The following ANO4 variants were observed in gnomAD, a reference collection of about 807,000 sequenced individuals.
The protein encoded by ANO4 is anoctamin-4.
ANO4 carries 69 observed loss-of-function variants against 141.9 expected under a neutral mutation model. The observed-to-expected ratio is 0.49, with a 90% CI of 0.40 to 0.59. ANO4 has a LOEUF of 0.59. Among genes scored for constraint, ANO4 ranks in the 20% least tolerant of loss-of-function variants. The probability of loss-of-function intolerance (pLI) is 0.00; values close to 1 mark genes in which losing one functional copy is unlikely to be tolerated. For synonymous variants in ANO4, 350 were observed against 394.3 expected, an observed-to-expected ratio of 0.89 and a Z score of 1.33; for missense variants, 894 against 1,162.2, an observed-to-expected ratio of 0.77 and a Z score of 3.36.
At chr12:100,780,320 T>C (rs1379120494) in intron 3 of ANO4, among the ~76,000 whole-genome samples, 1 of 152,182 alleles carries the variant, frequency 6.6e-6, no homozygotes, top group East Asian at 1.9e-4. Context: ...GCAAGTTTAT[T>C]AGAGCAACGG....
chr12:101,111,443 A>C, intron 23 of ANO4, 120 bp from the exon 24 acceptor site: 2 of 913,886 alleles, frequency 2.2e-6, no homozygotes, highest in Non-Finnish European at 3.1e-6. Context: ...TGCAACTGTC[A>C]GTATTTGGAA....
At chr12:101,003,293 A>G (rs556495383) in intron 8 of ANO4, among the ~76,000 whole-genome samples, 2 of 152,370 alleles carry the variant, frequency 1.3e-5, no homozygotes, top group South Asian at 2.1e-4. Context: ...GGACTGAAGA[A>G]GCAGTCTGTA....
Position 100,991,285 on chromosome 12 carries a change from T to C in ANO4, c.734+3615T>C, listed in dbSNP as rs546156541. ...CAATCAGAAAAGAATTCCCTAAGGATGTTTTGAGAGTGACATTAATGGATT... is the reference window on the plus strand; with the variant it reads ...CAATCAGAAAAGAATTCCCTAAGGACGTTTTGAGAGTGACATTAATGGATT... On this transcript the variant is annotated intron_variant, in intron 8 of 27. Transcript: ENST00000392977. Among the ~76,000 whole-genome samples the C allele has an allele frequency of 1.6e-4, 25 of 152,176 alleles. 1 individual carries two copies. Among genetic ancestry groups the C allele is most frequent in the African/African-American group, 6.0e-4 (25 of 41,538 alleles).
At chr12:100,880,526 C>G (rs960161653) in intron 1 of ANO4, among the ~76,000 whole-genome samples, 1 of 152,140 alleles carries the variant, frequency 6.6e-6, no homozygotes, top group Admixed American at 6.6e-5. Flanking sequence ...TATTACAACG[C>G]AGAAAATATA....
intron 13 of ANO4, among the ~76,000 whole-genome samples, chr12:101,045,768 C>T (rs558332828): frequency 1.5e-4 from 23 of 152,276 alleles, no homozygotes; most frequent in Admixed American, 4.6e-4. Context: ...CCAGGGACCC[C>T]GGTGGCCCTG....
chr12:100,951,688 G>A (rs2136207280), intron 5 of ANO4, among the ~76,000 whole-genome samples: 1 of 152,266 alleles, frequency 6.6e-6, no homozygotes, highest in Non-Finnish European at 1.5e-5. Flanking sequence ...TTGTCTTACT[G>A]GTTTTTGCAT....
chr12:100,852,856 AG>A (rs1268446000), intron 1 of ANO4, among the ~76,000 whole-genome samples: 1 of 152,248 alleles, frequency 6.6e-6, no homozygotes, highest in Non-Finnish European at 1.5e-5. Flanking sequence ...TAAAACTGTC[AG>A]TTACCACTTT....
At chr12:100,862,545 C>T (rs992012625) in intron 1 of ANO4, among the ~76,000 whole-genome samples, 1 of 152,164 alleles carries the variant, frequency 6.6e-6, no homozygotes, top group Non-Finnish European at 1.5e-5. Flanking sequence ...TGGTCTCAAA[C>T]TCCTGACCTC....
At chr12:101,027,917 C>T (rs2046810131) in intron 9 of ANO4, among the ~76,000 whole-genome samples, 1 of 152,114 alleles carries the variant, frequency 6.6e-6, no homozygotes, top group Non-Finnish European at 1.5e-5. Context: ...AGGAGTGATC[C>T]TACTGGCATC....
chr12:100,952,884 T>C (rs780646603), intron 5 of ANO4, among the ~76,000 whole-genome samples: 6 of 152,236 alleles, frequency 3.9e-5, no homozygotes, highest in Non-Finnish European at 5.9e-5. Context: ...TACAAAGTTA[T>C]CTTGATTTAT....
chr12:100,838,729 A>G (rs1258356501), intron 1 of ANO4, among the ~76,000 whole-genome samples: 1 of 152,200 alleles, frequency 6.6e-6, no homozygotes, highest in African/African-American at 2.4e-5. Flanking sequence ...AGCCATGGGA[A>G]AAATGGGGCA....
rs145992630 is a variant in ANO4, at chr12:100,804,668, A to G, written c.-141+9641A>G. Among the ~76,000 whole-genome samples the G allele has an allele frequency of 6.0e-3, 914 of 152,188 alleles. 7 individuals carry two copies. The highest frequency in any genetic ancestry group is 0.021 in the African/African-American group (857 of 41,518). ...TCTGACTGGCGTGAGATGGTATTTCATTGTGGTTTTGATTTGCATTTATCT... is the reference window on the plus strand; with the variant it reads ...TCTGACTGGCGTGAGATGGTATTTCGTTGTGGTTTTGATTTGCATTTATCT... On this transcript the variant is annotated intron_variant, in intron 1 of 27. Coordinates refer to ENST00000392977, the MANE Select transcript of ANO4 (RefSeq NM_001286615.2).
intron 3 of ANO4, among the ~76,000 whole-genome samples, chr12:100,766,234 T>G (rs2033075072): frequency 6.6e-6 from 1 of 152,184 alleles, no homozygotes; most frequent in Non-Finnish European, 1.5e-5. Flanking sequence ...TATTCTGTTG[T>G]CTGTGCTCTT....
chr12:101,126,643 T>G (rs2051326887), intron 26 of ANO4, among the ~76,000 whole-genome samples: 1 of 152,212 alleles, frequency 6.6e-6, no homozygotes, highest in Non-Finnish European at 1.5e-5. Flanking sequence ...TTTGAATTAA[T>G]TATCTGACCA....
chr12:101,000,327 G>C (rs1304130074), intron 8 of ANO4, among the ~76,000 whole-genome samples: 1 of 152,196 alleles, frequency 6.6e-6, no homozygotes, highest in Non-Finnish European at 1.5e-5. Context: ...AACATTTTAT[G>C]TGTCAGTAAC....
chr12:100,870,390 G>A lies in ANO4; in HGVS notation c.-140-31256G>A, dbSNP rs2038972680. Among the ~76,000 whole-genome samples, 5 of 152,148 alleles carry A rather than the reference G, an allele frequency of 3.3e-5. No homozygotes were observed. The South Asian group carries it at 8.3e-4, about 25-fold the overall frequency. ...CATATTCTACAGCTGATGGAATTCA[G>A]TTAAGCAGCATTGGTTGTCTATTCA... is the stretch of plus-strand genomic sequence containing the variant. On this transcript the variant is annotated intron_variant, in intron 1 of 27. Transcript: ENST00000392977.
At chr12:101,093,787 T>C (rs967820082) in intron 17 of ANO4, among the ~76,000 whole-genome samples, 6 of 152,098 alleles carry the variant, frequency 3.9e-5, no homozygotes, top group Admixed American at 6.6e-5. Context: ...GAATTTCCAG[T>C]AATGTTTAAT....
chr12:100,960,044 G>A (rs149705793), intron 5 of ANO4, among the ~76,000 whole-genome samples: 30 of 152,134 alleles, frequency 2.0e-4, no homozygotes, highest in African/African-American at 6.5e-4. Flanking sequence ...CTGGGGCAGG[G>A]AAACACAAAT....
At chr12:101,103,195 A>C (rs1353354900) in intron 22 of ANO4, among the ~76,000 whole-genome samples, 17 of 40,744 alleles carry the variant, frequency 4.2e-4, no homozygotes, top group South Asian at 1.9e-3. Context: ...ATATATATAT[A>C]TATATATATA....
Sources: allele counts gnomAD v4.1 joint callset (sites outside exome capture counted in the v4.1 genomes callset), GRCh38; gene constraint gnomAD v4.1.1; transcripts MANE v1.5; gene names NCBI Gene and HGNC (gene_info 2026-07-23, HGNC 2026-07-21).